Variants in DCAF13 observed in about 807,000 individuals in gnomAD.
The protein encoded by DCAF13 is DDB1- and CUL4-associated factor 13.
A neutral mutation model predicts 59.0 loss-of-function variants in DCAF13; 38 were observed. The observed-to-expected ratio is 0.64, with a 90% CI of 0.50 to 0.84. DCAF13 has a LOEUF of 0.84. DCAF13 is among the 40% of genes least tolerant of loss of function. DCAF13 has a pLI of 0.00. For synonymous variants in DCAF13, 173 were observed against 175.0 expected (o/e 0.99, Z 0.09); for missense variants, 469 against 558.4 (o/e 0.84, Z 1.61).
intron 3 of DCAF13, among the ~76,000 whole-genome samples, chr8:103,422,998 T>TA (rs976984532): frequency 0.014 from 1,947 of 142,816 alleles, 16 homozygotes; most frequent in Non-Finnish European, 0.02. Flanking sequence ...GGTTTTGGTG[T>TA]AAAAAAAAAA....
chr8:103,436,134 T>C (rs1043731445), intron 8 of DCAF13, among the ~76,000 whole-genome samples: 5 of 152,212 alleles, frequency 3.3e-5, no homozygotes, highest in Non-Finnish European at 5.9e-5. Context: ...CAGTCTCTCA[T>C]TGACCAAAAT....
intron 5 of DCAF13, chr8:103,428,908 T>C (rs1407239090): frequency 1.1e-5 from 1 of 88,988 alleles, no homozygotes; most frequent in Non-Finnish European, 2.4e-5. Flanking sequence ...GTTCAGCTGT[T>C]TTTTTTTTTA....
At position 103,426,333 on chromosome 8, in the gene DCAF13, C is replaced by CA. The variant is rs763185691; in HGVS notation, c.468+189dup. ...GTCCTTTGATGCTAAAGAATTTTAA[C>CA]AGTTTTTTTTTTTTTTGGTATTCAT... On this transcript the variant is annotated intron_variant, in intron 4 of 10. Coordinates refer to ENST00000612750, the MANE Select transcript of DCAF13 (RefSeq NM_015420.7). 4.9e-3 allele frequency among the ~76,000 whole-genome samples: 736 copies of CA among 150,226 alleles called. 12 individuals carry two copies. The highest frequency in any genetic ancestry group is 0.015 in the African/African-American group (610 of 41,060).
At chr8:103,421,160 G>T (rs879916405) in intron 3 of DCAF13, 78 bp downstream of exon 3, 7 of 1,039,076 alleles carry the variant, frequency 6.7e-6, no homozygotes, top group Non-Finnish European at 8.9e-6. Flanking sequence ...TTTTTTTCAA[G>T]TTCATTTATT....
In DCAF13 at chr8:103,443,170, T is replaced by C. The variant is rs553570484; in HGVS notation, c.*288T>C. On this transcript the variant is annotated 3_prime_UTR_variant, in exon 11 of 11. Transcript: ENST00000612750. ...TACTTACTTTCTCTTTGATCTATTA[T>C]TGTAGACACTATACATTCAAATTGA... 7 of 216,198 alleles carry C rather than the reference T, an allele frequency of 3.2e-5. No homozygotes were observed. The highest frequency in any genetic ancestry group is 1.7e-4 in the Admixed American group (3 of 17,912). 13.4% of individuals were successfully genotyped at this position (216,198 alleles called of 1,614,324 possible).
chr8:103,440,492 T>C, intron 9 of DCAF13: 1 of 330,460 alleles, frequency 3.0e-6, no homozygotes, highest in Non-Finnish European at 5.4e-6. Flanking sequence ...ATTTAAGACC[T>C]TCAGAATGCC....
At chr8:103,435,044 T>G (rs1816914140) in intron 7 of DCAF13, among the ~76,000 whole-genome samples, 1 of 152,072 alleles carries the variant, frequency 6.6e-6, no homozygotes, top group African/African-American at 2.4e-5. Flanking sequence ...CAGTTAAAGA[T>G]TGAATGTTAA....
intron 7 of DCAF13, among the ~76,000 whole-genome samples, chr8:103,434,139 T>C (rs1816902157): frequency 6.6e-6 from 1 of 152,106 alleles, no homozygotes. Context: ...TATTTGTAAG[T>C]ATTTTTTTCT....
At chr8:103,438,317 A>G (rs1313561621) in intron 8 of DCAF13, among the ~76,000 whole-genome samples, 1 of 152,180 alleles carries the variant, frequency 6.6e-6, no homozygotes, top group Admixed American at 6.5e-5. Context: ...CTTTTTAATC[A>G]TCCCCTCTCT....
In DCAF13 at chr8:103,420,460, A is replaced by G. The variant is rs1346482849; in HGVS notation, c.267A>G (p.Gly89=). 2 of 1,612,762 alleles carry G rather than the reference A, an allele frequency of 1.2e-6. No homozygotes were observed. Among genetic ancestry groups the G allele is most frequent in the Non-Finnish European group, 1.7e-6 (2 of 1,179,326 alleles). ...LATVLSGACD[G]EVRIWNLTQR... The stretch of plus-strand genomic sequence containing the variant: ...CTGTCCTTTCTGGGGCGTGTGATGG[A>G]GAGGCAAGTGTCAATCTAGATGATA... The change falls in exon 2 of 11, where the codon GGA becomes GGG. Residue 89 remains glycine (G), a synonymous_variant. Coordinates refer to ENST00000612750, the MANE Select transcript of DCAF13 (RefSeq NM_015420.7).
intron 3 of DCAF13, among the ~76,000 whole-genome samples, chr8:103,423,129 T>C (rs1349132217): frequency 6.6e-6 from 1 of 152,144 alleles, no homozygotes; most frequent in East Asian, 1.9e-4. Context: ...AGGAATTGAT[T>C]GGCAAGTGGG....
At chr8:103,426,460 C>G (rs1218622622) in intron 4 of DCAF13, among the ~76,000 whole-genome samples, 1 of 151,742 alleles carries the variant, frequency 6.6e-6, no homozygotes, top group Non-Finnish European at 1.5e-5. Context: ...AATGCTTCAG[C>G]TTGTCTAGTT....
At position 103,435,856 on chromosome 8, in the gene DCAF13, A is replaced by T. The variant is rs187073630; in HGVS notation, c.950+66A>T. The T allele has an allele frequency of 8.5e-6, 13 of 1,522,662 alleles. No homozygotes were observed. In the East Asian group the frequency reaches 2.9e-4, roughly 34 times the overall value. The allele number at this position is 1,522,662 out of a possible 1,614,324, so 94.3% of individuals were successfully genotyped here. On this transcript the variant is annotated intron_variant, in intron 8 of 10. Coordinates refer to ENST00000612750, the MANE Select transcript of DCAF13 (RefSeq NM_015420.7). ...TTAACAATGGGGATGCATTCTGAGA[A>T]ATGAGTCATTGGGCGATTTCATCAT...
At chr8:103,424,832 C>T (rs1355061411) in intron 3 of DCAF13, among the ~76,000 whole-genome samples, 2 of 152,146 alleles carry the variant, frequency 1.3e-5, no homozygotes, top group Non-Finnish European at 2.9e-5. Context: ...TCTTAGTCTC[C>T]CAGTAGAATC....
At chr8:103,416,599 C>G (rs575351102) in intron 1 of DCAF13, among the ~76,000 whole-genome samples, 1 of 152,344 alleles carries the variant, frequency 6.6e-6, no homozygotes, top group Admixed American at 6.5e-5. Context: ...CTGCTTACCT[C>G]CTGCATGAGC....
At chr8:103,418,835 TA>T (rs1816665615) in intron 1 of DCAF13, among the ~76,000 whole-genome samples, 2 of 12,014 alleles carry the variant, frequency 1.7e-4, no homozygotes, top group African/African-American at 9.2e-4. Context: ...TATATATATA[TA>T]TATATATATA....
intron 6 of DCAF13, among the ~76,000 whole-genome samples, chr8:103,432,216 C>T (rs995525700): frequency 1.3e-5 from 2 of 152,116 alleles, no homozygotes; most frequent in African/African-American, 4.8e-5. Context: ...TCATACACAA[C>T]AAAAGATAAT....
intron 7 of DCAF13, among the ~76,000 whole-genome samples, chr8:103,434,406 A>G (rs1207350342): frequency 6.6e-6 from 1 of 152,060 alleles, no homozygotes; most frequent in Admixed American, 6.6e-5. Context: ...TTTCCCATGT[A>G]GAAATAAAGC....
chr8:103,418,115 A>G (rs926494371), intron 1 of DCAF13, among the ~76,000 whole-genome samples: 17 of 151,462 alleles, frequency 1.1e-4, no homozygotes, highest in Non-Finnish European at 2.1e-4. Flanking sequence ...GCAACAGAGC[A>G]AGACTCCGTC....
Sources: gnomAD v4.1 joint callset for allele counts (sites outside exome capture counted in the v4.1 genomes callset) on GRCh38, gnomAD v4.1.1 for gene constraint, MANE v1.5 for transcripts, NCBI Gene and HGNC (gene_info 2026-07-23, HGNC 2026-07-21) for gene names.